The following TRIP12 variants were observed in gnomAD, a reference collection of about 807,000 sequenced individuals.
TRIP12 encodes E3 ubiquitin-protein ligase TRIP12.
A neutral mutation model predicts 244.2 loss-of-function variants in TRIP12; 25 were observed. That is an observed-to-expected ratio of 0.10 (90% CI 0.07 to 0.14). The LOEUF (loss-of-function observed/expected upper bound fraction) is 0.14, where lower values mean the gene tolerates loss of function less well. Among genes scored for constraint, TRIP12 ranks in the 10% least tolerant of loss-of-function variants. TRIP12 has a pLI of 1.00. For missense variants in TRIP12, 1,677 were observed against 2,486.4 expected (o/e 0.67, Z 6.92); for synonymous variants, 905 against 873.1 (o/e 1.04, Z -0.64).
In TRIP12 at chr2:229,840,917, T is replaced by C; in HGVS notation, c.1038A>G (p.Lys346=). The C allele has an allele frequency of 1.2e-6, 2 of 1,602,242 alleles. No homozygotes were observed. Among genetic ancestry groups the C allele is most frequent in the Non-Finnish European group, 1.7e-6 (2 of 1,176,764 alleles). ...GAGACTCACTGCGTTTCTTCGTAGA[T>C]TTTCTTAAACCTATCCACAGAAAAT... is the stretch of plus-strand genomic sequence containing the variant. The part of the protein sequence containing the change: ...GLQAKLASLR[K]STKKRSESPP... Residue 346 remains lysine (K), a synonymous_variant, in exon 5 of 42, where the codon AAA becomes AAG. Coordinates refer to ENST00000675903, the MANE Select transcript of TRIP12 (RefSeq NM_001348323.3).
chr2:229,804,700 A>G (rs1454776301), intron 18 of TRIP12, among the ~76,000 whole-genome samples: 5 of 152,212 alleles, frequency 3.3e-5, no homozygotes, highest in Admixed American at 6.5e-5. Context: ...GTTATATACA[A>G]GGGGTTGACA....
chr2:229,921,371 C>G (rs560615020), intron 1 of TRIP12: 1 of 152,758 alleles, frequency 6.5e-6, no homozygotes, highest in Non-Finnish European at 1.5e-5. Context: ...GGGCCGTCCA[C>G]GGCCCCGGAG....
chr2:229,824,477 A>C (rs2050951571), intron 8 of TRIP12, among the ~76,000 whole-genome samples: 1 of 152,236 alleles, frequency 6.6e-6, no homozygotes, highest in Non-Finnish European at 1.5e-5. Flanking sequence ...TGCTTGAAAA[A>C]ATACGAAAGC....
Position 229,840,854 on chromosome 2 carries a change from G to A in TRIP12, c.1101C>T (p.Arg367=). The change falls in exon 5 of 42, where the codon CGC becomes CGT. Residue 367 remains arginine, a synonymous_variant. Transcript: ENST00000675903. ...AELPSLRRST[R]QKTTGSCAST... ...TAGCACAGGAGCCCGTGGTCTTTTG[G>A]CGTGTGCTCCGCCTCAAACTGGGGA... 6.2e-7 allele frequency: 1 copy of A among 1,607,342 alleles called. No individual in the cohort carries two copies. The highest frequency in any genetic ancestry group is 8.5e-7 in the Non-Finnish European group (1 of 1,178,188).
chr2:229,878,618 G>C (rs1418180317), intron 2 of TRIP12, among the ~76,000 whole-genome samples: 1 of 149,496 alleles, frequency 6.7e-6, no homozygotes. Context: ...CGCTCTGTCT[G>C]TCGCCCAGGC....
chr2:229,885,614 A>C (rs1457276981), intron 1 of TRIP12, among the ~76,000 whole-genome samples: 1 of 152,202 alleles, frequency 6.6e-6, no homozygotes, highest in Non-Finnish European at 1.5e-5. Context: ...ATAAAACAAA[A>C]TAGAAATCAC....
chr2:229,846,631 G>A (rs1249743231), intron 4 of TRIP12, among the ~76,000 whole-genome samples: 2 of 151,666 alleles, frequency 1.3e-5, no homozygotes, highest in East Asian at 1.9e-4. Flanking sequence ...TCCAAGGTAT[G>A]CCCGTGTAAC....
intron 1 of TRIP12, among the ~76,000 whole-genome samples, chr2:229,891,032 C>A (rs939129343): frequency 2.0e-5 from 3 of 152,122 alleles, no homozygotes; most frequent in African/African-American, 4.8e-5. Flanking sequence ...AATCCCAGCA[C>A]TATGGGAGGC....
chr2:229,812,800 C>G (rs978209428), intron 13 of TRIP12, among the ~76,000 whole-genome samples: 15 of 151,024 alleles, frequency 9.9e-5, no homozygotes, highest in Non-Finnish European at 4.4e-5. Flanking sequence ...GACTCAGTCT[C>G]AAAAACAAAA....
rs2031605008 is a variant in TRIP12, at chr2:229,766,021, T to A, written c.*1533A>T. On this transcript the variant is annotated 3_prime_UTR_variant, in exon 42 of 42. Transcript: ENST00000675903. The stretch of plus-strand genomic sequence containing the variant: ...TGTCAAACAAGCCACTGAGTTTCTT[T>A]TGGGTGGTGGGATAGGGAAAAGGGC... 1 of 152,124 alleles carries A rather than the reference T, an allele frequency of 6.6e-6. No homozygotes were observed. The highest frequency in any genetic ancestry group is 2.4e-5 in the African/African-American group (1 of 41,420). 9.4% of individuals were successfully genotyped at this position (152,124 alleles called of 1,614,324 possible). A position where few individuals can be genotyped will look rare whatever the true frequency, so the allele number is the denominator to read the frequency against.
At chr2:229,900,263 T>C (rs767592152) in intron 1 of TRIP12, among the ~76,000 whole-genome samples, 1 of 152,262 alleles carries the variant, frequency 6.6e-6, no homozygotes, top group Non-Finnish European at 1.5e-5. Flanking sequence ...ATCACTATAC[T>C]TGAATTTGGT....
chr2:229,922,723 G>C (rs770663773), upstream of TRIP12: 1 of 1,063,992 alleles, frequency 9.4e-7, no homozygotes, highest in Non-Finnish European at 1.4e-6. Context: ...GAAGCGCCCA[G>C]TCCCGGCTCC....
intron 18 of TRIP12, among the ~76,000 whole-genome samples, chr2:229,805,494 A>G (rs577715630): frequency 4.3e-4 from 65 of 152,332 alleles, no homozygotes; most frequent in African/African-American, 1.5e-3. Context: ...CTGTATGAGC[A>G]AATTCTGACT....
chr2:229,802,929 A>T (rs1337815182), intron 20 of TRIP12, among the ~76,000 whole-genome samples: 4 of 152,134 alleles, frequency 2.6e-5, no homozygotes, highest in Admixed American at 2.0e-4. Context: ...GAACTATCAC[A>T]TCCTTTAAGG....
At chr2:229,848,963 A>C (rs2058110815) in intron 4 of TRIP12, among the ~76,000 whole-genome samples, 1 of 152,238 alleles carries the variant, frequency 6.6e-6, no homozygotes, top group Admixed American at 6.5e-5. Flanking sequence ...TTTTCCTTAG[A>C]GTCAAGAAGA....
At chr2:229,773,784 T>C (rs1481212511) in intron 38 of TRIP12, 2 of 212,672 alleles carry the variant, frequency 9.4e-6, no homozygotes, top group Non-Finnish European at 1.9e-5. Flanking sequence ...TTGATGGAAA[T>C]GCAAAAATGC....
At chr2:229,845,694 T>C (rs1321142438) in intron 4 of TRIP12, among the ~76,000 whole-genome samples, 2 of 152,192 alleles carry the variant, frequency 1.3e-5, no homozygotes, top group Admixed American at 6.5e-5. Context: ...CATTTACATT[T>C]ATAGGCATAT....
intron 1 of TRIP12, among the ~76,000 whole-genome samples, chr2:229,889,261 C>T (rs1325122944): frequency 6.6e-6 from 1 of 152,144 alleles, no homozygotes; most frequent in East Asian, 1.9e-4. Flanking sequence ...AAGGAGGTAA[C>T]CCTTCACAAG....
At chr2:229,914,661 T>G (rs2154380046) in intron 1 of TRIP12, among the ~76,000 whole-genome samples, 1 of 152,328 alleles carries the variant, frequency 6.6e-6, no homozygotes, top group South Asian at 2.1e-4. Flanking sequence ...AAGGTACATC[T>G]ATTTATTCAG....
Sources: allele counts gnomAD v4.1 joint callset (sites outside exome capture counted in the v4.1 genomes callset), GRCh38; gene constraint gnomAD v4.1.1; transcripts MANE v1.5; gene names NCBI Gene and HGNC (gene_info 2026-07-23, HGNC 2026-07-21).